The following TEK variants were observed in gnomAD, a reference collection of about 807,000 sequenced individuals.
TEK encodes TEK receptor tyrosine kinase.
A neutral mutation model predicts 131.8 loss-of-function variants in TEK; 43 were observed. That is an observed-to-expected ratio of 0.33 (90% CI 0.26 to 0.42). The LOEUF (loss-of-function observed/expected upper bound fraction) is 0.42, where lower values mean the gene tolerates loss of function less well. Ranked by LOEUF, TEK falls within the 10% of genes least tolerant of loss-of-function variation. The pLI is 1.00. For synonymous variants in TEK, 580 were observed against 491.6 expected (o/e 1.18, Z -2.38); for missense variants, 1,162 against 1,384.4 (o/e 0.84, Z 2.55).
At chr9:27,218,513 C>A (rs537654704) in intron 19 of TEK, among the ~76,000 whole-genome samples, 10 of 152,248 alleles carry the variant, frequency 6.6e-5, no homozygotes, top group African/African-American at 2.2e-4. Flanking sequence ...CAACAAATTT[C>A]ATCTGTTTTG....
chr9:27,189,158 TG>T (rs1344406913), intron 9 of TEK, among the ~76,000 whole-genome samples: 3 of 152,168 alleles, frequency 2.0e-5, no homozygotes, highest in African/African-American at 7.2e-5. Context: ...CTAAGAAGGC[TG>T]GGCCAAGGGA....
At chr9:27,137,780 C>T (rs1199587882) in intron 1 of TEK, among the ~76,000 whole-genome samples, 1 of 152,184 alleles carries the variant, frequency 6.6e-6, no homozygotes, top group Non-Finnish European at 1.5e-5. Context: ...TTAGACTTCT[C>T]ATTTTTCTCT....
intron 2 of TEK, among the ~76,000 whole-genome samples, chr9:27,159,172 C>A (rs920288155): frequency 2.6e-5 from 4 of 152,172 alleles, no homozygotes; most frequent in Admixed American, 6.5e-5. Flanking sequence ...TGCTCAGTTC[C>A]TTATACTATA....
intron 18 of TEK, among the ~76,000 whole-genome samples, chr9:27,216,677 C>T (rs1467815748): frequency 1.3e-5 from 2 of 152,156 alleles, no homozygotes; most frequent in Non-Finnish European, 2.9e-5. Context: ...ATTGCCACTC[C>T]ACAAAGAACT....
Position 27,195,740 on chromosome 9 carries a change from T to C in TEK, c.1625-1575T>C, listed in dbSNP as rs1440170977. 6.7e-6 allele frequency: 3 copies of C among 450,366 alleles called. No homozygotes were observed. In the Admixed American group the frequency reaches 7.3e-5, roughly 11 times the overall value. 27.9% of individuals were successfully genotyped at this position (450,366 alleles called of 1,614,324 possible). Reference sequence around the variant, plus strand: ...CAGTGTTAATAGAGCCCCTAACACCTTCCAAGCATTTTCACATCCATTTTC... The same window carrying C: ...CAGTGTTAATAGAGCCCCTAACACCCTCCAAGCATTTTCACATCCATTTTC... On this transcript the variant is annotated intron_variant, in intron 11 of 22. Transcript: ENST00000380036.
At chr9:27,201,965 C>A (rs142126180) in intron 12 of TEK, among the ~76,000 whole-genome samples, 1 of 152,294 alleles carries the variant, frequency 6.6e-6, no homozygotes, top group East Asian at 1.9e-4. Context: ...TAAATAGCCT[C>A]ATAAATGTAA....
Position 27,190,566 on chromosome 9 carries a change from C to G in TEK, c.1365C>G (p.Asp455Glu). ...PKPLNAPNVIDTGHNFAVINI... is the reference protein window; with the variant it reads ...PKPLNAPNVIETGHNFAVINI... ...CCCTGAATGCCCCAAACGTGATTGA[C>G]ACTGGACATAACTTTGCTGTCATCA... Residue 455 changes from aspartate (D) to glutamate (E), a missense_variant, in exon 10 of 23, where the codon GAC (aspartate) becomes GAG (glutamate). By Grantham distance (45) the Asp-to-Glu change is conservative. This residue lies in a region of TEK where 477 missense variants were observed against 471.0 expected (regional missense o/e 1.01). Coordinates refer to ENST00000380036, the MANE Select transcript of TEK (RefSeq NM_000459.5). 2 of 1,614,018 alleles carry G rather than the reference C, an allele frequency of 1.2e-6. No homozygotes were observed. The highest frequency in any genetic ancestry group is 1.7e-6 in the Non-Finnish European group (2 of 1,179,924).
chr9:27,179,426 G>A (rs921458963), intron 6 of TEK, among the ~76,000 whole-genome samples: 1 of 152,138 alleles, frequency 6.6e-6, no homozygotes, highest in Non-Finnish European at 1.5e-5. Context: ...TCCAACATCT[G>A]AGTCATCACA....
At chr9:27,119,469 C>T (rs138715447) in intron 1 of TEK, among the ~76,000 whole-genome samples, 9 of 152,300 alleles carry the variant, frequency 5.9e-5, no homozygotes, top group South Asian at 2.1e-4. Context: ...TTTTTATCCA[C>T]GAGGGCAGGC....
intron 11 of TEK, 70 bp from the exon 12 acceptor site, chr9:27,197,245 T>A: frequency 6.5e-7 from 1 of 1,535,894 alleles, no homozygotes; most frequent in South Asian, 1.1e-5. Context: ...AGTATGAGAT[T>A]TGGGTGGGGA....
intron 10 of TEK, 108 bp from the exon 11 acceptor site, chr9:27,192,381 C>A: frequency 1.6e-6 from 2 of 1,254,674 alleles, no homozygotes; most frequent in Non-Finnish European, 2.3e-6. Flanking sequence ...TTCACTAAGA[C>A]GTAGTTTTGA....
intron 1 of TEK, among the ~76,000 whole-genome samples, chr9:27,137,737 A>G (rs572604842): frequency 4.6e-5 from 7 of 152,276 alleles, no homozygotes; most frequent in East Asian, 1.9e-4. Context: ...GAGGCTCACT[A>G]TTGTGAATTC....
chr9:27,181,044 C>T (rs1244509016), intron 7 of TEK, among the ~76,000 whole-genome samples: 1 of 152,046 alleles, frequency 6.6e-6, no homozygotes, highest in Non-Finnish European at 1.5e-5. Context: ...TAGAAACTTC[C>T]ATTTTCCAAT....
intron 20 of TEK, 111 bp downstream of exon 20, chr9:27,218,928 C>G: frequency 6.5e-6 from 7 of 1,078,728 alleles, no homozygotes; most frequent in Non-Finnish European, 1.0e-5. Context: ...GTGGTTCTAC[C>G]AGATGTGACT....
chr9:27,185,612 T>C lies in TEK; in HGVS notation c.1310T>C (p.Phe437Ser), dbSNP rs756840280. Residue 437 changes from phenylalanine (F) to serine (S), a missense_variant, in exon 9 of 23, where the codon TTC becomes TCC. Around this residue, in one of 6 missense-constraint regions of TEK, gnomAD observed 477 missense variants for 471.0 expected, o/e 1.01. Coordinates refer to ENST00000380036, the MANE Select transcript of TEK (RefSeq NM_000459.5). The part of the protein sequence containing the change: ...NTVAGMVEKP[F>S]NISVKVLPKP... ...GTGGCTGGGATGGTGGAAAAGCCCT[T>C]CAACATTTCTGTTAAAGGTAAGTTC... 6.2e-7 allele frequency: 1 copy of C among 1,613,722 alleles called. No individual in the cohort carries two copies. The highest frequency in any genetic ancestry group is 8.5e-7 in the Non-Finnish European group (1 of 1,179,736).
At chr9:27,167,923 T>C (rs1447275993) in intron 2 of TEK, among the ~76,000 whole-genome samples, 1 of 152,048 alleles carries the variant, frequency 6.6e-6, no homozygotes, top group Non-Finnish European at 1.5e-5. Flanking sequence ...TCATAGTTAA[T>C]ATAGTTTATT....
chr9:27,213,222 C>T (rs1294817568), intron 17 of TEK, among the ~76,000 whole-genome samples: 1 of 152,130 alleles, frequency 6.6e-6, no homozygotes, highest in Non-Finnish European at 1.5e-5. Flanking sequence ...TGTGTAATAA[C>T]AGAGACACAC....
rs1433554466 is a variant in TEK, at chr9:27,131,316, G to A, written c.52+21674G>A. On this transcript the variant is annotated intron_variant, in intron 1 of 22. Coordinates refer to ENST00000380036, the MANE Select transcript of TEK (RefSeq NM_000459.5). ...GGCCTGGCCAACATGGTAAAACCCC[G>A]TCTCTATTAAAAATACAAAAATCAG... Among the ~76,000 whole-genome samples the A allele has an allele frequency of 7.3e-5, 11 of 151,574 alleles. 1 individual carries two copies. The South Asian group carries it at 1.7e-3, about 23-fold the overall frequency.
At chr9:27,224,629 G>A (rs542974117) in intron 21 of TEK, among the ~76,000 whole-genome samples, 7 of 152,264 alleles carry the variant, frequency 4.6e-5, no homozygotes, top group African/African-American at 1.7e-4. Flanking sequence ...AGCTGTTTAT[G>A]ACAAACCCAC....
Sources: gnomAD v4.1 joint callset for allele counts (sites outside exome capture counted in the v4.1 genomes callset) on GRCh38, gnomAD v4.1.1 for gene constraint, gnomAD v4.1.1 regional missense constraint, MANE v1.5 for transcripts, NCBI Gene and HGNC (gene_info 2026-07-23, HGNC 2026-07-21) for gene names.